The following EIF4G3 variants were observed in gnomAD, a reference collection of about 807,000 sequenced individuals.
The protein encoded by EIF4G3 is eukaryotic translation initiation factor 4 gamma 3, also known as eIF-4-gamma 3.
A neutral mutation model predicts 186.4 loss-of-function variants in EIF4G3; 34 were observed. The observed-to-expected ratio is 0.18, with a 90% CI of 0.14 to 0.24. The LOEUF (loss-of-function observed/expected upper bound fraction) is 0.24, where lower values mean the gene tolerates loss of function less well. Among genes scored for constraint, EIF4G3 ranks in the 10% least tolerant of loss-of-function variants. The probability of loss-of-function intolerance (pLI) is 1.00; values close to 1 mark genes in which losing one functional copy is unlikely to be tolerated. For synonymous variants in EIF4G3, 673 were observed against 679.5 expected (o/e 0.99, Z 0.15); for missense variants, 1,536 against 1,948.5 (o/e 0.79, Z 3.99).
At chr1:20,917,012 G>A (rs1413676584) in intron 14 of EIF4G3, among the ~76,000 whole-genome samples, 1 of 152,148 alleles carries the variant, frequency 6.6e-6, no homozygotes, top group East Asian at 1.9e-4. Context: ...AAAAATGACA[G>A]CTTATGTCCA....
intron 3 of EIF4G3, among the ~76,000 whole-genome samples, chr1:21,063,194 C>G (rs576738869): frequency 6.6e-5 from 10 of 152,266 alleles, no homozygotes; most frequent in African/African-American, 2.4e-4. Flanking sequence ...GCTGGGACTA[C>G]AGGCACATGC....
intron 4 of EIF4G3, among the ~76,000 whole-genome samples, chr1:21,032,054 T>C (rs550485734): frequency 6.6e-6 from 1 of 152,288 alleles, no homozygotes; most frequent in South Asian, 2.1e-4. Flanking sequence ...TTCAATAAAA[T>C]AGCTTTAAAA....
rs1177415682 is a variant in EIF4G3, at chr1:21,024,095, C to T, written c.-66-21287G>A. Among the ~76,000 whole-genome samples the T allele has an allele frequency of 9.3e-5, 14 of 151,078 alleles. 1 individual carries two copies. The highest frequency in any genetic ancestry group is 2.9e-4 in the African/African-American group (12 of 41,166). ...CCGTCTGAGAAGTGAGGAGCCTCTC[C>T]GCCCAGCAGCCACCCCATCTGGGAA... On this transcript the variant is annotated intron_variant, in intron 4 of 36. Coordinates refer to ENST00000602326, the MANE Select transcript of EIF4G3 (RefSeq NM_001391906.1).
intron 30 of EIF4G3, among the ~76,000 whole-genome samples, chr1:20,830,814 G>A (rs947474053): frequency 2.6e-5 from 4 of 152,018 alleles, no homozygotes; most frequent in African/African-American, 7.3e-5. Context: ...AAACTTTTTT[G>A]GCTGAACATA....
rs1380979753 is a variant in EIF4G3 at position 20,981,183 on chromosome 1, C to A, written c.243G>T (p.Pro81=). The A allele has an allele frequency of 6.2e-7, 1 of 1,612,194 alleles. No homozygotes were observed. Among genetic ancestry groups the A allele is most frequent in the Non-Finnish European group, 8.5e-7 (1 of 1,179,530 alleles). ...PQIQPPRATI[P]NSSPSIRPGA... Reference sequence around the variant, plus strand: ...CAGGACGAATGGAAGGACTGCTGTTCGGGATGGTAGCTCTAGGAGGCTGTA... The same window carrying A: ...CAGGACGAATGGAAGGACTGCTGTTAGGGATGGTAGCTCTAGGAGGCTGTA... The change falls in exon 9 of 37, where the codon CCG becomes CCT. Residue 81 remains proline (P), a synonymous_variant. Coordinates refer to ENST00000602326, the MANE Select transcript of EIF4G3 (RefSeq NM_001391906.1).
chr1:20,986,764 A>G (rs1449267063), intron 7 of EIF4G3, among the ~76,000 whole-genome samples: 4 of 149,994 alleles, frequency 2.7e-5, no homozygotes, highest in African/African-American at 9.7e-5. Flanking sequence ...AAAAAAAAAA[A>G]AAAAAAAGAA....
chr1:20,943,974 T>TGTGTG lies in EIF4G3; in HGVS notation c.824-1645_824-1644insCACAC, dbSNP rs1558363606. ...TCAGGAAAACTTGTCTTTATTTTTTTTGTGTGTGTGTGTGTGTGTGTGTGT... is the reference window on the plus strand; with the variant it reads ...TCAGGAAAACTTGTCTTTATTTTTTTGTGTGTGTGTGTGTGTGTGTGTGTGTGTGT... On this transcript the variant is annotated intron_variant, in intron 13 of 36. Coordinates refer to ENST00000602326, the MANE Select transcript of EIF4G3 (RefSeq NM_001391906.1). Among the ~76,000 whole-genome samples the TGTGTG allele has an allele frequency of 9.6e-4, 60 of 62,534 alleles. 5 individuals carry two copies. The highest frequency in any genetic ancestry group is 3.0e-3 in the African/African-American group (55 of 18,292). The allele number at this position is 62,534 out of a possible 152,430, so 41.0% of individuals were successfully genotyped here. A position where few individuals can be genotyped will look rare whatever the true frequency, so the allele number is the denominator to read the frequency against.
At chr1:21,079,119 C>T (rs1003121518) in intron 3 of EIF4G3, among the ~76,000 whole-genome samples, 7 of 151,916 alleles carry the variant, frequency 4.6e-5, no homozygotes, top group African/African-American at 1.5e-4. Flanking sequence ...ATATATTTGC[C>T]ATCTGTGCTA....
At chr1:20,877,558 T>G (rs1202920968) in intron 20 of EIF4G3, among the ~76,000 whole-genome samples, 1 of 152,226 alleles carries the variant, frequency 6.6e-6, no homozygotes, top group Non-Finnish European at 1.5e-5. Flanking sequence ...AGACTATTTT[T>G]ATTATAATAA....
chr1:21,029,086 C>T (rs967881914), intron 4 of EIF4G3, among the ~76,000 whole-genome samples: 5 of 151,930 alleles, frequency 3.3e-5, no homozygotes, highest in African/African-American at 1.2e-4. Context: ...GGCGTGATCC[C>T]GGCTCACTGC....
intron 4 of EIF4G3, among the ~76,000 whole-genome samples, chr1:21,039,726 A>G (rs1231738747): frequency 1.3e-5 from 2 of 152,212 alleles, no homozygotes; most frequent in Non-Finnish European, 2.9e-5. Context: ...AAGGCACCTG[A>G]CAGGATAGGA....
At chr1:20,874,803 CCTT>C (rs906132338) in intron 20 of EIF4G3, among the ~76,000 whole-genome samples, 4 of 152,150 alleles carry the variant, frequency 2.6e-5, no homozygotes, top group Non-Finnish European at 5.9e-5. Context: ...AAAATAGCCT[CCTT>C]GATATTCTTA....
At chr1:21,006,145 T>A (rs1330725246) in intron 4 of EIF4G3, among the ~76,000 whole-genome samples, 1 of 152,238 alleles carries the variant, frequency 6.6e-6, no homozygotes, top group Non-Finnish European at 1.5e-5. Context: ...TATGACTTGT[T>A]ACCTATCATT....
intron 16 of EIF4G3, among the ~76,000 whole-genome samples, chr1:20,896,105 T>G (rs1268199258): frequency 6.6e-6 from 1 of 152,114 alleles, no homozygotes; most frequent in African/African-American, 2.4e-5. Context: ...AGAAAAATCC[T>G]TAACAAGTAA....
At chr1:20,910,474 C>T (rs1341498776) in intron 14 of EIF4G3, among the ~76,000 whole-genome samples, 1 of 152,114 alleles carries the variant, frequency 6.6e-6, no homozygotes, top group African/African-American at 2.4e-5. Flanking sequence ...ATCCCAGCTA[C>T]TCAGGAGGCT....
At chr1:21,006,744 A>C (rs2085189894) in intron 4 of EIF4G3, among the ~76,000 whole-genome samples, 1 of 152,194 alleles carries the variant, frequency 6.6e-6, no homozygotes, top group South Asian at 2.1e-4. Flanking sequence ...GAAATGGTGA[A>C]TTCCATTATA....
chr1:21,144,929 A>G (rs1468107844), intron 2 of EIF4G3, among the ~76,000 whole-genome samples: 1 of 152,174 alleles, frequency 6.6e-6, no homozygotes, highest in East Asian at 1.9e-4. Flanking sequence ...GCCTTGTTAA[A>G]TAGTCTAATT....
intron 4 of EIF4G3, among the ~76,000 whole-genome samples, chr1:21,048,365 T>G (rs532709378): frequency 6.6e-6 from 1 of 152,142 alleles, no homozygotes; most frequent in Non-Finnish European, 1.5e-5. Context: ...GGATCTGAGC[T>G]CTATAAATAT....
chr1:21,069,303 G>C (rs2095368787), intron 3 of EIF4G3, among the ~76,000 whole-genome samples: 1 of 152,100 alleles, frequency 6.6e-6, no homozygotes, highest in Non-Finnish European at 1.5e-5. Context: ...TGAGAACCCA[G>C]AAAAACTATA....
Sources: allele counts gnomAD v4.1 joint callset (sites outside exome capture counted in the v4.1 genomes callset), GRCh38; gene constraint gnomAD v4.1.1; transcripts MANE v1.5; gene names NCBI Gene and HGNC (gene_info 2026-07-23, HGNC 2026-07-21).